The following JAZF1 variants were observed in gnomAD, a reference collection of about 807,000 sequenced individuals.
JAZF1 encodes JAZF zinc finger 1.
JAZF1 carries 8 observed loss-of-function variants against 26.4 expected under a neutral mutation model. The ratio of observed to expected loss-of-function variants is 0.30; its 90% CI spans 0.18 to 0.55. The LOEUF is 0.55. Ranked by LOEUF, JAZF1 falls within the 20% of genes least tolerant of loss-of-function variation. JAZF1 has a pLI of 0.94. For missense variants in JAZF1, 199 were observed against 322.0 expected (o/e 0.62, Z 2.92); for synonymous variants, 126 against 122.3 (o/e 1.03, Z -0.20).
chr7:28,125,619 T>C (rs1235281008), intron 1 of JAZF1, among the ~76,000 whole-genome samples: 5 of 152,082 alleles, frequency 3.3e-5, no homozygotes, highest in Non-Finnish European at 7.4e-5. Context: ...ACAATGCTGA[T>C]ACAAAAAATC....
chr7:28,113,162 A>G (rs1029686814), intron 1 of JAZF1, among the ~76,000 whole-genome samples: 1 of 152,190 alleles, frequency 6.6e-6, no homozygotes, highest in African/African-American at 2.4e-5. Context: ...TTGAATCGGT[A>G]TCCTACAAAC....
At chr7:27,863,544 C>G (rs1783418356) in intron 3 of JAZF1, among the ~76,000 whole-genome samples, 1 of 152,232 alleles carries the variant, frequency 6.6e-6, no homozygotes, top group South Asian at 2.1e-4. Context: ...CCTCATAGTG[C>G]AGCTAACTTT....
chr7:27,834,516 T>C (rs1454383526), intron 4 of JAZF1, among the ~76,000 whole-genome samples: 1 of 152,246 alleles, frequency 6.6e-6, no homozygotes, highest in Non-Finnish European at 1.5e-5. Flanking sequence ...ACCTCAGCCC[T>C]GTCCTTCCAG....
At chr7:27,988,923 A>T (rs1304982556) in intron 2 of JAZF1, among the ~76,000 whole-genome samples, 1 of 119,952 alleles carries the variant, frequency 8.3e-6, no homozygotes, top group African/African-American at 3.3e-5. Context: ...ATCTCTGTAA[A>T]AAAAAAAAAA....
intron 1 of JAZF1, among the ~76,000 whole-genome samples, chr7:28,060,015 C>T (rs1451511033): frequency 6.6e-6 from 1 of 151,916 alleles, no homozygotes. Flanking sequence ...GTCTTTTAGC[C>T]CCCTTCCATA....
Position 27,854,690 on chromosome 7 carries a change from A to G in JAZF1, c.386-13823T>C, listed in dbSNP as rs567326900. On this transcript the variant is annotated intron_variant, in intron 3 of 4. Coordinates refer to ENST00000283928, the MANE Select transcript of JAZF1 (RefSeq NM_175061.4). Reference sequence around the variant, plus strand: ...ATTCCTTTCTTTAAGAATGTTGAATATCGGCCCCCACTCTCTTCTGGCTTG... The same window carrying G: ...ATTCCTTTCTTTAAGAATGTTGAATGTCGGCCCCCACTCTCTTCTGGCTTG... Among the ~76,000 whole-genome samples, 210 of 152,312 alleles carry G rather than the reference A, an allele frequency of 1.4e-3. 1 individual carries two copies. The highest frequency in any genetic ancestry group is 4.8e-3 in the African/African-American group (201 of 41,568).
chr7:28,019,523 G>C (rs1782966992), intron 1 of JAZF1, among the ~76,000 whole-genome samples: 2 of 151,970 alleles, frequency 1.3e-5, no homozygotes, highest in Admixed American at 1.3e-4. Flanking sequence ...CCTGGACCGT[G>C]GCCCTTCCCC....
intron 2 of JAZF1, among the ~76,000 whole-genome samples, chr7:27,935,700 T>C (rs966975288): frequency 6.6e-6 from 1 of 152,256 alleles, no homozygotes; most frequent in African/African-American, 2.4e-5. Flanking sequence ...ATGTGAATTA[T>C]ATCTACAAAG....
intron 1 of JAZF1, among the ~76,000 whole-genome samples, chr7:28,172,415 C>A (rs920197823): frequency 6.6e-6 from 1 of 152,098 alleles, no homozygotes; most frequent in Non-Finnish European, 1.5e-5. Flanking sequence ...TTTAAATATT[C>A]TTTTTATCAA....
At chr7:28,095,668 T>C (rs780059762) in intron 1 of JAZF1, among the ~76,000 whole-genome samples, 1 of 152,210 alleles carries the variant, frequency 6.6e-6, no homozygotes, top group Admixed American at 6.5e-5. Context: ...CCTGTCCTTC[T>C]AGCAGAGCCT....
At chr7:27,862,544 C>T (rs1373652652) in intron 3 of JAZF1, among the ~76,000 whole-genome samples, 2 of 152,166 alleles carry the variant, frequency 1.3e-5, no homozygotes, top group African/African-American at 4.8e-5. Context: ...CAATTTCAGA[C>T]CATTTTCATC....
rs75839422 is a variant in JAZF1 at position 28,047,721 on chromosome 7, A to T, written c.116-55740T>A. Among the ~76,000 whole-genome samples the T allele has an allele frequency of 9.8e-5, 15 of 152,288 alleles. No individual in the cohort carries two copies. The East Asian group carries it at 2.9e-3, about 29-fold the overall frequency. On this transcript the variant is annotated intron_variant, in intron 1 of 4. Coordinates refer to ENST00000283928, the MANE Select transcript of JAZF1 (RefSeq NM_175061.4). ...ATATTTATCATATATGGAGATGATC[A>T]TATGGATTCTGGCCTTTTATGCCGT... is the stretch of plus-strand genomic sequence containing the variant.
intron 1 of JAZF1, among the ~76,000 whole-genome samples, chr7:28,117,371 C>T (rs986138273): frequency 6.6e-6 from 1 of 152,072 alleles, no homozygotes; most frequent in African/African-American, 2.4e-5. Context: ...ATATTGAAAT[C>T]CTTCTTAAAA....
At chr7:27,851,522 A>G (rs1463529380) in intron 3 of JAZF1, among the ~76,000 whole-genome samples, 1 of 152,040 alleles carries the variant, frequency 6.6e-6, no homozygotes, top group Non-Finnish European at 1.5e-5. Context: ...GTGTGGTGGT[A>G]CACACCTGTT....
chr7:27,967,311 A>T (rs1200053485), intron 2 of JAZF1, among the ~76,000 whole-genome samples: 1 of 151,990 alleles, frequency 6.6e-6, no homozygotes, highest in Non-Finnish European at 1.5e-5. Flanking sequence ...CCTACCCCTG[A>T]GACATGAACA....
intron 2 of JAZF1, among the ~76,000 whole-genome samples, chr7:27,942,306 A>G (rs1400969299): frequency 6.6e-6 from 1 of 152,224 alleles, no homozygotes; most frequent in Non-Finnish European, 1.5e-5. Context: ...GCAGAGCTGA[A>G]AGCTACCCTA....
intron 1 of JAZF1, among the ~76,000 whole-genome samples, chr7:28,088,812 A>G (rs1194479091): frequency 6.6e-6 from 1 of 152,192 alleles, no homozygotes; most frequent in Non-Finnish European, 1.5e-5. Context: ...TTAAGCAGGG[A>G]TGGATGTTTC....
chr7:28,008,161 C>A (rs1782736420), intron 1 of JAZF1, among the ~76,000 whole-genome samples: 2 of 152,162 alleles, frequency 1.3e-5, no homozygotes, highest in Admixed American at 6.5e-5. Context: ...GATATATGCA[C>A]CAACTCCCTC....
chr7:27,842,852 T>C (rs10486562), intron 3 of JAZF1: 6,998 of 152,292 alleles, frequency 0.046, 207 homozygotes, highest in South Asian at 0.096. Flanking sequence ...TTGGGCTAAT[T>C]TGTTAACCTG....
Sources: allele counts gnomAD v4.1 joint callset (sites outside exome capture counted in the v4.1 genomes callset), GRCh38; gene constraint gnomAD v4.1.1; transcripts MANE v1.5; gene names NCBI Gene and HGNC (gene_info 2026-07-23, HGNC 2026-07-21).